Variants in KIAA0319L observed in about 807,000 individuals in gnomAD.
The protein encoded by KIAA0319L is KIAA0319 like, also known as dyslexia-associated protein KIAA0319-like protein.
KIAA0319L carries 55 observed loss-of-function variants against 120.1 expected under a neutral mutation model. The observed-to-expected ratio is 0.46, with a 90% CI of 0.37 to 0.57. The LOEUF is 0.57. Ranked by LOEUF, KIAA0319L falls within the 20% of genes least tolerant of loss-of-function variation. The pLI, the probability that KIAA0319L is intolerant of heterozygous loss-of-function variation, is 0.00. For synonymous variants in KIAA0319L, 398 were observed against 471.9 expected, an observed-to-expected ratio of 0.84 and a Z score of 2.03; for missense variants, 1,049 against 1,255.3, an observed-to-expected ratio of 0.84 and a Z score of 2.48.
chr1:35,539,493 C>T (rs1452172659), intron 2 of KIAA0319L, among the ~76,000 whole-genome samples: 2 of 152,238 alleles, frequency 1.3e-5, no homozygotes, highest in Admixed American at 6.5e-5. Flanking sequence ...CTGGGGAGCA[C>T]AGCTGAGAGC....
chr1:35,537,134 G>C (rs1288130836), intron 2 of KIAA0319L, among the ~76,000 whole-genome samples: 2 of 152,122 alleles, frequency 1.3e-5, no homozygotes, highest in Non-Finnish European at 2.9e-5. Flanking sequence ...GTTCTAAAAA[G>C]AAAGAATTGT....
chr1:35,450,279 T>A, intron 14 of KIAA0319L, 79 bp downstream of exon 14: 1 of 1,434,052 alleles, frequency 7.0e-7, no homozygotes, highest in Non-Finnish European at 9.6e-7. Flanking sequence ...AGGGACCACT[T>A]GATTAAAGCA....
Position 35,449,958 on chromosome 1 carries a change from G to T in KIAA0319L, c.2262C>A (p.Asn754Lys). The stretch of plus-strand genomic sequence containing the variant: ...GAAAAGTGTAGGTTCCCTCAACCAG[G>T]TTTGAAAGAAAAAGGATAGGGTGAT... Reference protein sequence around the residue: ...SDHHPILFLSNLVEGTYTFHL... With the variant: ...SDHHPILFLSKLVEGTYTFHL... Residue 754 changes from asparagine (N) to lysine (K), a missense_variant, in exon 15 of 21, where the codon AAC becomes AAA. By Grantham distance (94) the Asn-to-Lys change is moderately conservative (BLOSUM62 0). Transcript: ENST00000325722. 1 of 1,614,098 alleles carries T rather than the reference G, an allele frequency of 6.2e-7. No individual in the cohort carries two copies. Among genetic ancestry groups the T allele is most frequent in the Non-Finnish European group, 8.5e-7 (1 of 1,179,996 alleles).
intron 2 of KIAA0319L, among the ~76,000 whole-genome samples, chr1:35,542,862 C>T (rs1384201634): frequency 1.3e-5 from 2 of 152,150 alleles, no homozygotes; most frequent in Admixed American, 6.5e-5. Context: ...TTTATTATTT[C>T]CTCCCTTAAG....
chr1:35,482,008 T>G (rs568111010), intron 3 of KIAA0319L, among the ~76,000 whole-genome samples: 110 of 152,000 alleles, frequency 7.2e-4, no homozygotes, highest in South Asian at 1.7e-3. Flanking sequence ...GTATTTTTAG[T>G]AGTGATGGGG....
intron 3 of KIAA0319L, among the ~76,000 whole-genome samples, chr1:35,505,591 C>T (rs550880724): frequency 2.0e-4 from 30 of 152,298 alleles, no homozygotes; most frequent in African/African-American, 6.7e-4. Context: ...TTCTTATTCA[C>T]CTTTGTATCT....
intron 3 of KIAA0319L, among the ~76,000 whole-genome samples, chr1:35,488,569 GA>G (rs1644471968): frequency 6.6e-6 from 1 of 152,186 alleles, no homozygotes; most frequent in Admixed American, 6.5e-5. Flanking sequence ...AAAGCCATGG[GA>G]GTGGATGAAC....
intron 3 of KIAA0319L, among the ~76,000 whole-genome samples, chr1:35,497,052 T>C (rs911153537): frequency 2.7e-5 from 4 of 149,436 alleles, no homozygotes; most frequent in African/African-American, 9.9e-5. Context: ...AAAGACTACA[T>C]ATTCCATGAT....
At chr1:35,531,637 G>A (rs142853942) in intron 2 of KIAA0319L, among the ~76,000 whole-genome samples, 1 of 152,332 alleles carries the variant, frequency 6.6e-6, no homozygotes, top group Non-Finnish European at 1.5e-5. Flanking sequence ...ATTACAGGAG[G>A]TGGTGAGAAC....
At chr1:35,508,241 C>A (rs1178921647) in intron 2 of KIAA0319L, among the ~76,000 whole-genome samples, 1 of 152,180 alleles carries the variant, frequency 6.6e-6, no homozygotes, top group African/African-American at 2.4e-5. Context: ...CTGGGCACCT[C>A]TCTCCTTACC....
chr1:35,479,754 A>T (rs1035174905), intron 3 of KIAA0319L, among the ~76,000 whole-genome samples: 2 of 152,004 alleles, frequency 1.3e-5, no homozygotes, highest in East Asian at 3.9e-4. Flanking sequence ...AACATAAAAA[A>T]TTAGCTGGGC....
At chr1:35,477,460 G>T (rs967601341) in intron 4 of KIAA0319L, among the ~76,000 whole-genome samples, 6 of 152,134 alleles carry the variant, frequency 3.9e-5, no homozygotes, top group East Asian at 1.9e-4. Context: ...AAGGTCAGGA[G>T]ATCGAGACCA....
chr1:35,550,394 A>C (rs1647156317), intron 2 of KIAA0319L, among the ~76,000 whole-genome samples: 1 of 152,250 alleles, frequency 6.6e-6, no homozygotes, highest in Admixed American at 6.5e-5. Flanking sequence ...TAAACTCATG[A>C]GTAGAGAAAT....
intron 2 of KIAA0319L, among the ~76,000 whole-genome samples, chr1:35,553,679 A>G (rs1482086182): frequency 6.6e-6 from 1 of 151,466 alleles, no homozygotes; most frequent in Non-Finnish European, 1.5e-5. Flanking sequence ...TCACACTCAT[A>G]CTATGAAAGC....
intron 3 of KIAA0319L, among the ~76,000 whole-genome samples, chr1:35,497,486 C>T (rs539246617): frequency 9.9e-5 from 15 of 152,064 alleles, no homozygotes; most frequent in Non-Finnish European, 1.3e-4. Context: ...GATTACAAAG[C>T]GGCAGAAGAA....
chr1:35,485,143 G>A (rs1407748336), intron 3 of KIAA0319L, among the ~76,000 whole-genome samples: 2 of 151,784 alleles, frequency 1.3e-5, no homozygotes, highest in Admixed American at 6.6e-5. Flanking sequence ...TATAATATCT[G>A]GTTGAAAACT....
Position 35,453,639 on chromosome 1 carries a change from G to C in KIAA0319L, c.1831C>G (p.Leu611Val). The change falls in exon 12 of 21, where the codon CTT becomes GTT. Residue 611 changes from leucine (L) to valine (V), a missense_variant. Physicochemically the swap from Leu to Val is conservative, Grantham distance 32. Coordinates refer to ENST00000325722, the MANE Select transcript of KIAA0319L (RefSeq NM_024874.5). The surrounding 1 kb of genome is among the most constrained non-coding windows in gnomAD (Gnocchi z 4.1). ...TCCAGGGTTGTGCTATCCACAGGAA[G>C]GGTCAGCTCTTTATCTGGGCCTGCA... The part of the protein sequence containing the change: ...ADAGPDKELT[L>V]PVDSTTLDGS... 1 of 1,613,976 alleles carries C rather than the reference G, an allele frequency of 6.2e-7. No individual in the cohort carries two copies. The highest frequency in any genetic ancestry group is 8.5e-7 in the Non-Finnish European group (1 of 1,179,890).
rs1253341426 is a variant in KIAA0319L at position 35,453,043 on chromosome 1, T to C, written c.1913+514A>G. Among the ~76,000 whole-genome samples, 8 of 152,356 alleles carry C rather than the reference T, an allele frequency of 5.3e-5. No individual in the cohort carries two copies. The South Asian group carries it at 1.7e-3, about 32-fold the overall frequency. ...CTAAGAATGGTTCAGTTAGGTAATT[T>C]CTATGTAATTAGAATTATTTTGATT... On this transcript the variant is annotated intron_variant, in intron 12 of 20. Coordinates refer to ENST00000325722, the MANE Select transcript of KIAA0319L (RefSeq NM_024874.5). The surrounding 1 kb of genome is among the most constrained non-coding windows in gnomAD (Gnocchi z 4.1).
chr1:35,546,586 C>T (rs2148505256), intron 2 of KIAA0319L, among the ~76,000 whole-genome samples: 1 of 152,274 alleles, frequency 6.6e-6, no homozygotes, highest in East Asian at 1.9e-4. Context: ...CAGTGCCTGC[C>T]TCAATAAATA....
Sources: gnomAD v4.1 joint callset for allele counts (sites outside exome capture counted in the v4.1 genomes callset) on GRCh38, gnomAD v4.1.1 for gene constraint, Gnocchi (gnomAD v3.1) non-coding constraint, MANE v1.5 for transcripts, NCBI Gene and HGNC (gene_info 2026-07-23, HGNC 2026-07-21) for gene names.